SLC30A10: variants seen among roughly 807,000 people sequenced by gnomAD.
SLC30A10 encodes the protein calcium/manganese antiporter SLC30A10.
Under a neutral mutation model 21.7 loss-of-function variants are expected in SLC30A10, and 8 were observed. The observed-to-expected ratio is 0.37, with a 90% CI of 0.22 to 0.67. The LOEUF (loss-of-function observed/expected upper bound fraction) is 0.67, where lower values mean the gene tolerates loss of function less well. SLC30A10 is among the 30% of genes least tolerant of loss of function. The pLI is 0.58. For synonymous variants in SLC30A10, 272 were observed against 279.4 expected (o/e 0.97, Z 0.26); for missense variants, 521 against 642.5 (o/e 0.81, Z 2.04).
rs1465179196 is a variant in SLC30A10, at chr1:219,915,248, C to G, written c.*201G>C. 2 of 633,026 alleles carry G rather than the reference C, an allele frequency of 3.2e-6. No individual in the cohort carries two copies. Among genetic ancestry groups the G allele is most frequent in the Non-Finnish European group, 5.5e-6 (2 of 363,620 alleles). The allele number at this position is 633,026 out of a possible 1,614,324, so 39.2% of individuals were successfully genotyped here. A position where few individuals can be genotyped will look rare whatever the true frequency, so the allele number is the denominator to read the frequency against. ...ACAGTCAAAGAGCAGCATGAGACAC[C>G]CAGGGGAATGGAAAGGAGTTAGTTA... On this transcript the variant is annotated 3_prime_UTR_variant, in exon 4 of 4. Coordinates refer to ENST00000366926, the MANE Select transcript of SLC30A10 (RefSeq NM_018713.3).
chr1:219,917,560 A>G (rs2102525868), intron 3 of SLC30A10, among the ~76,000 whole-genome samples: 1 of 152,280 alleles, frequency 6.6e-6, no homozygotes, highest in Non-Finnish European at 1.5e-5. Flanking sequence ...TAGAATATGA[A>G]TGATTTGTGT....
intron 2 of SLC30A10, among the ~76,000 whole-genome samples, chr1:219,924,238 T>C (rs1481808574): frequency 6.6e-6 from 1 of 152,130 alleles, no homozygotes; most frequent in African/African-American, 2.4e-5. Flanking sequence ...GCTTAAATGT[T>C]AGAAATATAA....
intron 1 of SLC30A10, among the ~76,000 whole-genome samples, chr1:219,947,523 A>T (rs2102545285): frequency 6.6e-6 from 1 of 152,212 alleles, no homozygotes; most frequent in South Asian, 2.1e-4. Flanking sequence ...ACAGAGCAAG[A>T]TCCTGTCTCA....
At chr1:219,922,262 G>A (rs553917235) in intron 2 of SLC30A10, among the ~76,000 whole-genome samples, 1 of 117,014 alleles carries the variant, frequency 8.5e-6, no homozygotes, top group Admixed American at 1.1e-4. Context: ...TGTTACCCGG[G>A]CTGGTCTCAA....
chr1:219,939,630 A>G (rs1660092397), intron 1 of SLC30A10, among the ~76,000 whole-genome samples: 1 of 152,246 alleles, frequency 6.6e-6, no homozygotes, highest in African/African-American at 2.4e-5. Flanking sequence ...GGGTTTCACC[A>G]TCTTGGCCAG....
At chr1:219,921,872 AGT>A (rs72517767) in intron 2 of SLC30A10, among the ~76,000 whole-genome samples, 22,795 of 139,246 alleles carry the variant, frequency 0.16, 2,608 homozygotes, top group African/African-American at 0.35. Flanking sequence ...GGTGTCTCTG[AGT>A]GTGTGTGTGT....
At chr1:219,927,685 A>AG in intron 1 of SLC30A10, 116 bp downstream of exon 1, 1 of 890,252 alleles carries the variant, frequency 1.1e-6, no homozygotes, top group Non-Finnish European at 1.5e-6. Context: ...CAACAAAAAA[A>AG]AAAAAACAGA....
Position 219,912,379 on chromosome 1 carries a change from A to G in SLC30A10, c.*3070T>C, listed in dbSNP as rs886254462. Among the ~76,000 whole-genome samples the G allele has an allele frequency of 2.6e-4, 39 of 152,132 alleles. No individual in the cohort carries two copies. The highest frequency in any genetic ancestry group is 8.8e-5 in the Non-Finnish European group (6 of 68,022). On this transcript the variant is annotated 3_prime_UTR_variant, in exon 4 of 4. Transcript: ENST00000366926. ...TCAAAAACAATGTTGAGAGTCAGAA[A>G]ATGAAACAGACAGTATTTCCTATGG...
chr1:219,933,362 C>G (rs558502876), upstream of SLC30A10, among the ~76,000 whole-genome samples: 2 of 152,272 alleles, frequency 1.3e-5, no homozygotes, highest in Admixed American at 6.5e-5. Flanking sequence ...ATACCAGACT[C>G]TAAATAATTT....
At chr1:219,956,665 A>G (rs1239528464) in intron 1 of SLC30A10, among the ~76,000 whole-genome samples, 1 of 42,338 alleles carries the variant, frequency 2.4e-5, no homozygotes, top group Non-Finnish European at 5.4e-5. Flanking sequence ...ATAAAAATTA[A>G]AAAAAAAAAA....
chr1:219,937,590 G>A (rs1444862316), intron 1 of SLC30A10, among the ~76,000 whole-genome samples: 7 of 152,312 alleles, frequency 4.6e-5, no homozygotes, highest in South Asian at 2.1e-4. Context: ...CAAGGCGGGC[G>A]GATCACTTGA....
At chr1:219,930,303 C>T (rs774926123), upstream of SLC30A10, among the ~76,000 whole-genome samples, 19 of 152,050 alleles carry the variant, frequency 1.2e-4, no homozygotes, top group Non-Finnish European at 2.8e-4. Context: ...GAAACCCCAT[C>T]TCTACAAAAA....
intron 1 of SLC30A10, among the ~76,000 whole-genome samples, chr1:219,934,657 G>C (rs1489622996): frequency 6.6e-6 from 1 of 152,124 alleles, no homozygotes; most frequent in Non-Finnish European, 1.5e-5. Context: ...CTTGACTTGA[G>C]GTGAACGCTA....
chr1:219,951,078 A>G (rs1308225409), intron 1 of SLC30A10, among the ~76,000 whole-genome samples: 1 of 152,188 alleles, frequency 6.6e-6, no homozygotes, highest in Non-Finnish European at 1.5e-5. Flanking sequence ...CTCCCACCTC[A>G]GCTTCCCAAG....
Position 219,928,240 on chromosome 1 carries a change from G to A in SLC30A10, c.201C>T (p.Gly67=), listed in dbSNP as rs1659896509. ...GGGCGTAGCCGTAGGTGGCGCTGAA[G>A]CCCCGGGTGGGGCGCCGGGCGATGT... ...AGYIARRPTR[G]FSATYGYARA... The change falls in exon 1 of 4, where the codon GGC becomes GGT. Residue 67 remains glycine (G), a synonymous_variant. Transcript: ENST00000366926. The surrounding 1 kb of genome is among the most constrained non-coding windows in gnomAD (Gnocchi z 6.3). 6.4e-7 allele frequency: 1 copy of A among 1,574,634 alleles called. No individual in the cohort carries two copies. The highest frequency in any genetic ancestry group is 8.6e-7 in the Non-Finnish European group (1 of 1,160,718).
intron 1 of SLC30A10, among the ~76,000 whole-genome samples, chr1:219,943,703 T>C (rs1426269427): frequency 1.3e-5 from 2 of 151,850 alleles, no homozygotes; most frequent in African/African-American, 4.8e-5. Flanking sequence ...ACAAATACAT[T>C]TGAAACAAAT....
chr1:219,923,099 A>G (rs564352035), intron 2 of SLC30A10, among the ~76,000 whole-genome samples: 8 of 152,322 alleles, frequency 5.3e-5, no homozygotes, highest in African/African-American at 1.9e-4. Flanking sequence ...GAGTATTGGC[A>G]CCGGAACAGC....
intron 1 of SLC30A10, among the ~76,000 whole-genome samples, chr1:219,945,613 T>C (rs1660176727): frequency 6.6e-6 from 1 of 152,106 alleles, no homozygotes; most frequent in Non-Finnish European, 1.5e-5. Context: ...AGATCAAATA[T>C]TATCTAATTA....
At chr1:219,944,104 A>C (rs1273589815) in intron 1 of SLC30A10, among the ~76,000 whole-genome samples, 20 of 150,938 alleles carry the variant, frequency 1.3e-4, no homozygotes, top group South Asian at 1.0e-3. Flanking sequence ...ATCTCAAAAA[A>C]AAAAAACCTT....
Sources: gnomAD v4.1 joint callset for allele counts (sites outside exome capture counted in the v4.1 genomes callset) on GRCh38, gnomAD v4.1.1 for gene constraint, Gnocchi (gnomAD v3.1) non-coding constraint, MANE v1.5 for transcripts, NCBI Gene and HGNC (gene_info 2026-07-23, HGNC 2026-07-21) for gene names.